NALCN: variants seen among roughly 807,000 people sequenced by gnomAD.
NALCN encodes sodium leak channel NALCN.
NALCN carries 111 observed loss-of-function variants against 225.3 expected under a neutral mutation model. The ratio of observed to expected loss-of-function variants is 0.49; its 90% confidence interval spans 0.42 to 0.58. NALCN has a LOEUF of 0.58. Among genes scored for constraint, NALCN ranks in the 20% least tolerant of loss-of-function variants. NALCN has a pLI of 0.00. For synonymous variants in NALCN, 764 were observed against 769.0 expected (o/e 0.99, Z 0.11); for missense variants, 1,378 against 2,202.4 (o/e 0.63, Z 7.49).
rs755090487 is a variant in NALCN, at chr13:101,065,433, G to A, written c.4575C>T (p.Gly1525=). 10 of 1,613,996 alleles carry A rather than the reference G, an allele frequency of 6.2e-6. No homozygotes were observed. The highest frequency in any genetic ancestry group is 2.2e-5 in the East Asian group (1 of 44,870). The change falls in exon 40 of 44, where the codon GGC becomes GGT. Residue 1525 remains glycine, a synonymous_variant. Transcript: ENST00000251127. The stretch of plus-strand genomic sequence containing the variant: ...GGACATCATGGAAGGTGACGTCGCC[G>A]CCATTGTGGAGCCTCTCCATTTCGT... ...MCYEMERLHN[G]GDVTFHDVLS...
intron 6 of NALCN, among the ~76,000 whole-genome samples, chr13:101,373,736 C>T (rs1181692533): frequency 6.6e-6 from 1 of 152,072 alleles, no homozygotes; most frequent in African/African-American, 2.4e-5. Context: ...TGACCCGTAC[C>T]TCATAAGAAA....
intron 35 of NALCN, 149 bp downstream of exon 35, chr13:101,075,724 G>A: frequency 2.0e-6 from 1 of 510,712 alleles, no homozygotes. Context: ...ATTTAACAAT[G>A]TTTAATATTT....
At chr13:101,092,379 C>T (rs1196258922) in intron 28 of NALCN, among the ~76,000 whole-genome samples, 4 of 152,208 alleles carry the variant, frequency 2.6e-5, no homozygotes, top group African/African-American at 9.7e-5. Context: ...CTGTATCTTA[C>T]ACAACCATCT....
At chr13:101,192,125 T>C (rs1566410258) in intron 13 of NALCN, 71 bp from the exon 14 acceptor site, 2 of 1,521,960 alleles carry the variant, frequency 1.3e-6, no homozygotes, top group South Asian at 1.3e-5. Context: ...TAGCATGTGA[T>C]GTTTGAAGAC....
intron 7 of NALCN, among the ~76,000 whole-genome samples, chr13:101,323,651 G>A (rs1009704225): frequency 2.0e-5 from 3 of 152,124 alleles, no homozygotes; most frequent in Admixed American, 2.0e-4. Context: ...CCTCAACATA[G>A]TAAGCTCAAT....
chr13:101,204,441 A>T (rs2040239281), intron 13 of NALCN, among the ~76,000 whole-genome samples: 1 of 152,154 alleles, frequency 6.6e-6, no homozygotes, highest in Non-Finnish European at 1.5e-5. Flanking sequence ...AGGAGAAAAA[A>T]ACTGTTTATT....
chr13:101,379,572 G>T (rs2046788885), intron 3 of NALCN, among the ~76,000 whole-genome samples: 1 of 150,814 alleles, frequency 6.6e-6, no homozygotes, highest in South Asian at 2.1e-4. Context: ...GAAGGGACAT[G>T]GATGAAGCTG....
Position 101,055,429 on chromosome 13 carries a change from T to G in NALCN, c.5083A>C (p.Thr1695Pro). 6.2e-7 allele frequency: 1 copy of G among 1,614,178 alleles called. No individual in the cohort carries two copies. The highest frequency in any genetic ancestry group is 2.2e-5 in the East Asian group (1 of 44,874). The change falls in exon 44 of 44, where the codon ACC (threonine) becomes CCC (proline). Residue 1695 changes from threonine (T) to proline (P), a missense_variant. Thr to Pro is a conservative substitution (Grantham distance 38, BLOSUM62 -1). Around this residue, in one of 19 missense-constraint regions of NALCN, gnomAD observed 145 missense variants for 169.6 expected, o/e 0.85. Coordinates refer to ENST00000251127, the MANE Select transcript of NALCN (RefSeq NM_052867.4). ...ATTTTGCACACGACAGATTTCATGG[T>G]TGTCCTTCCTCCAAACCGTAAGTTG... ...SVNLRFGGRTTMKSVVCKMNP... is the reference protein window; with the variant it reads ...SVNLRFGGRTPMKSVVCKMNP...
chr13:101,277,171 T>C (rs1302656199), intron 10 of NALCN, among the ~76,000 whole-genome samples: 1 of 152,088 alleles, frequency 6.6e-6, no homozygotes, highest in African/African-American at 2.4e-5. Context: ...TGAGGAAAAT[T>C]AAGCCACCTT....
At chr13:101,087,369 G>A (rs1236960785) in intron 30 of NALCN, among the ~76,000 whole-genome samples, 1 of 151,878 alleles carries the variant, frequency 6.6e-6, no homozygotes, top group Admixed American at 6.6e-5. Flanking sequence ...AGTTCACTAG[G>A]TCCTCAGTGT....
In NALCN at chr13:101,065,427, G is replaced by A. The variant is rs143067409; in HGVS notation, c.4581C>T (p.Asp1527=). Residue 1527 remains aspartate (D), a synonymous_variant, in exon 40 of 44, where the codon GAC becomes GAT. Transcript: ENST00000251127. Reference sequence around the variant, plus strand: ...ACCTCAGGACATCATGGAAGGTGACGTCGCCGCCATTGTGGAGCCTCTCCA... The same window carrying A: ...ACCTCAGGACATCATGGAAGGTGACATCGCCGCCATTGTGGAGCCTCTCCA... ...YEMERLHNGG[D]VTFHDVLSML... 1.6e-4 allele frequency: 262 copies of A among 1,614,044 alleles called. 2 individuals are homozygous for A. The highest frequency in any genetic ancestry group is 3.1e-4 in the South Asian group (28 of 91,092).
intron 14 of NALCN, chr13:101,180,996 T>G: frequency 4.4e-6 from 2 of 455,492 alleles, no homozygotes; most frequent in Non-Finnish European, 8.9e-6. Context: ...TGAAGCCCCA[T>G]CATAAATTCA....
At chr13:101,195,683 G>T (rs577868219) in intron 13 of NALCN, among the ~76,000 whole-genome samples, 21 of 152,256 alleles carry the variant, frequency 1.4e-4, no homozygotes, top group African/African-American at 4.3e-4. Flanking sequence ...ATAGACTTCT[G>T]CTATGATATG....
In NALCN at chr13:101,285,840, C is replaced by T. The variant is rs192270797; in HGVS notation, c.1048-1821G>A. ...GAAGCCTCATTTTAAGGATAAAAGA[C>T]AAAACCAGCATTGCCAGTCACCAGT... is the stretch of plus-strand genomic sequence containing the variant. On this transcript the variant is annotated intron_variant, in intron 9 of 43. Coordinates refer to ENST00000251127, the MANE Select transcript of NALCN (RefSeq NM_052867.4). Among the ~76,000 whole-genome samples, 73 of 152,230 alleles carry T rather than the reference C, an allele frequency of 4.8e-4. 1 individual carries two copies. Among genetic ancestry groups the T allele is most frequent in the African/African-American group, 1.6e-3 (65 of 41,542 alleles).
chr13:101,170,995 A>G (rs2038685147), intron 15 of NALCN, among the ~76,000 whole-genome samples: 1 of 152,164 alleles, frequency 6.6e-6, no homozygotes, highest in Non-Finnish European at 1.5e-5. Context: ...AACTCTGTGT[A>G]CATTCCCCAG....
rs150671096 is a variant in NALCN at position 101,350,263 on chromosome 13, C to T, written c.645-4843G>A. On this transcript the variant is annotated intron_variant, in intron 6 of 43. Coordinates refer to ENST00000251127, the MANE Select transcript of NALCN (RefSeq NM_052867.4). ...CCACACTTCAAACACCCCTTTGTAC[C>T]CCCTTTCCCCCAAGTATCCCAGTGT... is the stretch of plus-strand genomic sequence containing the variant. 9.5e-3 allele frequency among the ~76,000 whole-genome samples: 1,439 copies of T among 152,254 alleles called. 8 individuals are homozygous for T. The highest frequency in any genetic ancestry group is 0.016 in the Non-Finnish European group (1,084 of 68,014).
chr13:101,081,519 AT>A lies in NALCN; in HGVS notation c.3885+7del. 6.2e-7 allele frequency: 1 copy of A among 1,614,016 alleles called. No individual in the cohort carries two copies. The highest frequency in any genetic ancestry group is 8.5e-7 in the Non-Finnish European group (1 of 1,179,962). On this transcript the variant is annotated splice_region_variant and intron_variant, in intron 34 of 43. Coordinates refer to ENST00000251127, the MANE Select transcript of NALCN (RefSeq NM_052867.4). ...ATCAGCTGAAATCAACTTGACTTCT[AT>A]GCTTACCAGGAGGGCAAAGTGAAGC...
chr13:101,326,735 T>G (rs192187331), intron 7 of NALCN, among the ~76,000 whole-genome samples: 16 of 152,340 alleles, frequency 1.1e-4, no homozygotes, highest in Middle Eastern at 3.4e-3. Context: ...AAGCATCTGC[T>G]ATTTATTGGC....
chr13:101,250,564 G>C (rs756612033), intron 11 of NALCN, among the ~76,000 whole-genome samples: 1 of 151,536 alleles, frequency 6.6e-6, no homozygotes, highest in Non-Finnish European at 1.5e-5. Flanking sequence ...TTATATATGG[G>C]GAAAAAATCA....
Sources: allele counts gnomAD v4.1 joint callset (sites outside exome capture counted in the v4.1 genomes callset), GRCh38; gene constraint gnomAD v4.1.1; regional missense constraint gnomAD v4.1.1; transcripts MANE v1.5; gene names NCBI Gene and HGNC (gene_info 2026-07-23, HGNC 2026-07-21).